Variants in CALML3 observed in about 807,000 individuals in gnomAD.
The protein encoded by CALML3 is calmodulin like 3.
For synonymous variants in CALML3, 98 were observed against 89.9 expected (o/e 1.09, Z -0.51); for missense variants, 198 against 214.1 (o/e 0.92, Z 0.47).
At position 5,525,016 on chromosome 10, in the gene CALML3, A is replaced by G; in HGVS notation, c.-70A>G. The G allele has an allele frequency of 1.7e-6, 2 of 1,207,568 alleles. No homozygotes were observed. The highest frequency in any genetic ancestry group is 2.3e-6 in the Non-Finnish European group (2 of 854,530). 74.8% of individuals were successfully genotyped at this position (1,207,568 alleles called of 1,614,324 possible). ...CCTGCCACCCCAGAGCTGGGACAGC[A>G]GCCGGGCTGCGGCACTGGGAGGGAG... On this transcript the variant is annotated 5_prime_UTR_variant, in exon 1 of 1. Transcript: ENST00000315238.
Position 5,526,208 on chromosome 10 carries a change from G to T in CALML3, c.*673G>T, listed in dbSNP as rs1588463193. ...TTCCTATTCATCTGGAAGGAGGGAG[G>T]CTTGGATGAGCAGGGGATGAGAGCT... On this transcript the variant is annotated 3_prime_UTR_variant, in exon 1 of 1. Coordinates refer to ENST00000315238, the MANE Select transcript of CALML3 (RefSeq NM_005185.4). The T allele has an allele frequency of 6.0e-6, 1 of 167,052 alleles. No homozygotes were observed. The highest frequency in any genetic ancestry group is 1.5e-5 in the Non-Finnish European group (1 of 68,146). The allele number at this position is 167,052 out of a possible 1,614,324, so 10.3% of individuals were successfully genotyped here. A position where few individuals can be genotyped will look rare whatever the true frequency, so the allele number is the denominator to read the frequency against.
chr10:5,525,614 C>G lies in CALML3; in HGVS notation c.*79C>G. 9.5e-7 allele frequency: 1 copy of G among 1,048,734 alleles called. No individual in the cohort carries two copies. Among genetic ancestry groups the G allele is most frequent in the East Asian group, 2.6e-5 (1 of 37,942 alleles). 65.0% of individuals were successfully genotyped at this position (1,048,734 alleles called of 1,614,324 possible). The stretch of plus-strand genomic sequence containing the variant: ...CGGGGCCTCCCGCCTCCTCCCCCAT[C>G]CCCCTGCCTCCCCTGGGCACTGTGG... On this transcript the variant is annotated 3_prime_UTR_variant, in exon 1 of 1. Coordinates refer to ENST00000315238, the MANE Select transcript of CALML3 (RefSeq NM_005185.4).
chr10:5,525,409 C>T lies in CALML3; in HGVS notation c.324C>T (p.His108=), dbSNP rs1271709800. The change falls in exon 1 of 1, where the codon CAC becomes CAT. Residue 108 remains histidine, a synonymous_variant. Coordinates refer to ENST00000315238, the MANE Select transcript of CALML3 (RefSeq NM_005185.4). ...TCGTCAGCGCCGCCGAGCTGCGACA[C>T]GTCATGACCCGGCTGGGGGAGAAGC... The part of the protein sequence containing the change: ...NGFVSAAELR[H]VMTRLGEKLS... 12 of 1,613,912 alleles carry T rather than the reference C, an allele frequency of 7.4e-6. No individual in the cohort carries two copies. The highest frequency in any genetic ancestry group is 1.7e-5 in the Admixed American group (1 of 60,006).
At position 5,525,477 on chromosome 10, in the gene CALML3, C is replaced by T. The variant is rs1210538279; in HGVS notation, c.392C>T (p.Thr131Met). The stretch of plus-strand genomic sequence containing the variant: ...GACGAGATGATCCGGGCCGCGGACA[C>T]GGACGGAGACGGACAGGTGAACTAC... The part of the protein sequence containing the change: ...EVDEMIRAAD[T>M]DGDGQVNYEE... Residue 131 changes from threonine to methionine, a missense_variant, in exon 1 of 1, where the codon ACG (threonine) becomes ATG (methionine). By Grantham distance (81) the Thr-to-Met change is moderately conservative (BLOSUM62 -1). Coordinates refer to ENST00000315238, the MANE Select transcript of CALML3 (RefSeq NM_005185.4). 6.2e-7 allele frequency: 1 copy of T among 1,612,842 alleles called. No individual in the cohort carries two copies. Among genetic ancestry groups the T allele is most frequent in the Admixed American group, 1.7e-5 (1 of 60,000 alleles).
rs532581008 is a variant in CALML3 at position 5,525,287 on chromosome 10, G to A, written c.202G>A (p.Glu68Lys). The A allele has an allele frequency of 1.2e-6, 2 of 1,613,990 alleles. No individual in the cohort carries two copies. Among genetic ancestry groups the A allele is most frequent in the South Asian group, 1.1e-5 (1 of 91,076 alleles). ...RDGNGTVDFP[E>K]FLGMMARKMK... is the part of the protein sequence containing the mutation. Reference sequence around the variant, plus strand: ...CGGCAACGGCACCGTGGACTTCCCCGAGTTCCTGGGCATGATGGCCAGGAA... The same window carrying A: ...CGGCAACGGCACCGTGGACTTCCCCAAGTTCCTGGGCATGATGGCCAGGAA... The change falls in exon 1 of 1, where the codon GAG becomes AAG. Residue 68 changes from glutamate (E) to lysine (K), a missense_variant. By Grantham distance (56) the Glu-to-Lys change is moderately conservative (BLOSUM62 1). Coordinates refer to ENST00000315238, the MANE Select transcript of CALML3 (RefSeq NM_005185.4).
Position 5,525,419 on chromosome 10 carries a change from C to A in CALML3, c.334C>A (p.Arg112=). 6.2e-7 allele frequency: 1 copy of A among 1,613,916 alleles called. No individual in the cohort carries two copies. Among genetic ancestry groups the A allele is most frequent in the Non-Finnish European group, 8.5e-7 (1 of 1,179,980 alleles). Residue 112 remains arginine (R), a synonymous_variant, in exon 1 of 1, where the codon CGG becomes AGG. Coordinates refer to ENST00000315238, the MANE Select transcript of CALML3 (RefSeq NM_005185.4). ...SAAELRHVMT[R]LGEKLSDEEV... The stretch of plus-strand genomic sequence containing the variant: ...CGCCGAGCTGCGACACGTCATGACC[C>A]GGCTGGGGGAGAAGCTGAGTGACGA...
chr10:5,525,057 C>T lies in CALML3; in HGVS notation c.-29C>T. On this transcript the variant is annotated 5_prime_UTR_variant, in exon 1 of 1. Coordinates refer to ENST00000315238, the MANE Select transcript of CALML3 (RefSeq NM_005185.4). ...TGGGAGGGAGACCCCACAGTGGCCT[C>T]TTCTGCCACCCACGCCCCCACCCCT... 2.6e-6 allele frequency: 4 copies of T among 1,529,380 alleles called. No homozygotes were observed. The highest frequency in any genetic ancestry group is 3.6e-6 in the Non-Finnish European group (4 of 1,120,634). The allele number at this position is 1,529,380 out of a possible 1,614,324, so 94.7% of individuals were successfully genotyped here.
rs901097766 is a variant in CALML3, at chr10:5,526,759, C to T, written c.*1224C>T. 3.0e-5 allele frequency: 5 copies of T among 166,916 alleles called. No homozygotes were observed. Among genetic ancestry groups the T allele is most frequent in the African/African-American group, 1.2e-4 (5 of 41,446 alleles). 10.3% of individuals were successfully genotyped at this position (166,916 alleles called of 1,614,324 possible). A position where few individuals can be genotyped will look rare whatever the true frequency, so the allele number is the denominator to read the frequency against. On this transcript the variant is annotated 3_prime_UTR_variant, in exon 1 of 1. Transcript: ENST00000315238. ...GGAGGTATGTTTTGCGGGATGGGCA[C>T]TAGACGGAGCTCATCAGAAAAGGCC...
rs1378074726 is a variant in CALML3, at chr10:5,526,493, C to T, written c.*958C>T. The T allele has an allele frequency of 6.0e-6, 1 of 167,022 alleles. No individual in the cohort carries two copies. Among genetic ancestry groups the T allele is most frequent in the Admixed American group, 6.5e-5 (1 of 15,276 alleles). 10.3% of individuals were successfully genotyped at this position (167,022 alleles called of 1,614,324 possible). A position where few individuals can be genotyped will look rare whatever the true frequency, so the allele number is the denominator to read the frequency against. The stretch of plus-strand genomic sequence containing the variant: ...AAGAGTGGTTAAAAGTCCATCAGGA[C>T]TTGAAAGACCTGAGTCCATTACGTT... On this transcript the variant is annotated 3_prime_UTR_variant, in exon 1 of 1. Coordinates refer to ENST00000315238, the MANE Select transcript of CALML3 (RefSeq NM_005185.4).
chr10:5,525,079 C>T lies in CALML3; in HGVS notation c.-7C>T, dbSNP rs761814260. 3.4e-5 allele frequency: 54 copies of T among 1,588,272 alleles called. 1 individual carries two copies. The South Asian group carries it at 6.0e-4, about 18-fold the overall frequency. ...CCTCTTCTGCCACCCACGCCCCCAC[C>T]CCTGGCATGGCCGACCAGCTGACTG... On this transcript the variant is annotated 5_prime_UTR_variant, in exon 1 of 1. Transcript: ENST00000315238.
Position 5,525,201 on chromosome 10 carries a change from C to T in CALML3, c.116C>T (p.Ser39Phe). 6.2e-7 allele frequency: 1 copy of T among 1,613,912 alleles called. No homozygotes were observed. Among genetic ancestry groups the T allele is most frequent in the South Asian group, 1.1e-5 (1 of 91,062 alleles). The stretch of plus-strand genomic sequence containing the variant: ...CGCGAGCTGGGCACGGTCATGCGGT[C>T]CCTGGGCCAGAACCCCACGGAGGCC... ...TTRELGTVMRSLGQNPTEAEL... is the reference protein window; with the variant it reads ...TTRELGTVMRFLGQNPTEAEL... The change falls in exon 1 of 1, where the codon TCC becomes TTC. Residue 39 changes from serine (S) to phenylalanine (F), a missense_variant. Physicochemically the swap from Ser to Phe is radical, Grantham distance 155. Transcript: ENST00000315238.
rs914250537 is a variant in CALML3 at position 5,525,871 on chromosome 10, C to A, written c.*336C>A. The stretch of plus-strand genomic sequence containing the variant: ...GCCCTCCAGGACGGACACCGGGTGA[C>A]CCCTTAGGGCACCCAGGCAAGATCC... On this transcript the variant is annotated 3_prime_UTR_variant, in exon 1 of 1. Transcript: ENST00000315238. The A allele has an allele frequency of 7.5e-5, 63 of 835,502 alleles. No individual in the cohort carries two copies. Among genetic ancestry groups the A allele is most frequent in the Middle Eastern group, 1.0e-3 (2 of 1,950 alleles). The allele number at this position is 835,502 out of a possible 1,614,324, so 51.8% of individuals were successfully genotyped here.
rs773966700 is a variant in CALML3, at chr10:5,525,744, C to T, written c.*209C>T. On this transcript the variant is annotated 3_prime_UTR_variant, in exon 1 of 1. Coordinates refer to ENST00000315238, the MANE Select transcript of CALML3 (RefSeq NM_005185.4). ...TTCCCACCTGCTCGTCTGAATGACACGGAACGCTCCCACTGCAGGCAAACC... is the reference window on the plus strand; with the variant it reads ...TTCCCACCTGCTCGTCTGAATGACATGGAACGCTCCCACTGCAGGCAAACC... 2 of 1,437,038 alleles carry T rather than the reference C, an allele frequency of 1.4e-6. No individual in the cohort carries two copies. The highest frequency in any genetic ancestry group is 9.2e-7 in the Non-Finnish European group (1 of 1,092,664). 89.0% of individuals were successfully genotyped at this position (1,437,038 alleles called of 1,614,324 possible). A position where few individuals can be genotyped will look rare whatever the true frequency, so the allele number is the denominator to read the frequency against.
Position 5,525,045 on chromosome 10 carries a change from C to T in CALML3, c.-41C>T, listed in dbSNP as rs1397177444. The T allele has an allele frequency of 1.4e-6, 2 of 1,440,202 alleles. No homozygotes were observed. Among genetic ancestry groups the T allele is most frequent in the Non-Finnish European group, 1.9e-6 (2 of 1,044,942 alleles). The allele number at this position is 1,440,202 out of a possible 1,614,324, so 89.2% of individuals were successfully genotyped here. A position where few individuals can be genotyped will look rare whatever the true frequency, so the allele number is the denominator to read the frequency against. ...GGGCTGCGGCACTGGGAGGGAGACCCCACAGTGGCCTCTTCTGCCACCCAC... is the reference window on the plus strand; with the variant it reads ...GGGCTGCGGCACTGGGAGGGAGACCTCACAGTGGCCTCTTCTGCCACCCAC... On this transcript the variant is annotated 5_prime_UTR_variant, in exon 1 of 1. Transcript: ENST00000315238.
In CALML3 at chr10:5,525,331, CGAG is replaced by C. The variant is rs781713843; in HGVS notation, c.253_255del (p.Glu85del). 17 of 1,613,874 alleles carry C rather than the reference CGAG, an allele frequency of 1.1e-5. No individual in the cohort carries two copies. The highest frequency in any genetic ancestry group is 1.4e-5 in the Non-Finnish European group (17 of 1,179,988). On this transcript the variant is annotated inframe_deletion, in exon 1 of 1. Coordinates refer to ENST00000315238, the MANE Select transcript of CALML3 (RefSeq NM_005185.4). Reference sequence around the variant, plus strand: ...CCAGGAAGATGAAGGACACGGACAACGAGGAGGAGATCCGCGAGGCCTTCCGCG... The same window carrying C: ...CCAGGAAGATGAAGGACACGGACAACGAGGAGATCCGCGAGGCCTTCCGCG...
Position 5,525,604 on chromosome 10 carries a change from C to A in CALML3, c.*69C>A. The stretch of plus-strand genomic sequence containing the variant: ...GGCAAGAACCCGGGGCCTCCCGCCT[C>A]CTCCCCCATCCCCCTGCCTCCCCTG... On this transcript the variant is annotated 3_prime_UTR_variant, in exon 1 of 1. Transcript: ENST00000315238. 1 of 1,468,122 alleles carries A rather than the reference C, an allele frequency of 6.8e-7. No homozygotes were observed. The highest frequency in any genetic ancestry group is 9.1e-7 in the Non-Finnish European group (1 of 1,104,616). 90.9% of individuals were successfully genotyped at this position (1,468,122 alleles called of 1,614,324 possible).
Position 5,525,595 on chromosome 10 carries a change from C to T in CALML3, c.*60C>T. Reference sequence around the variant, plus strand: ...GGCCCACAGGGCAAGAACCCGGGGCCTCCCGCCTCCTCCCCCATCCCCCTG... The same window carrying T: ...GGCCCACAGGGCAAGAACCCGGGGCTTCCCGCCTCCTCCCCCATCCCCCTG... On this transcript the variant is annotated 3_prime_UTR_variant, in exon 1 of 1. Transcript: ENST00000315238. 6.8e-7 allele frequency: 1 copy of T among 1,481,404 alleles called. No individual in the cohort carries two copies. The allele number at this position is 1,481,404 out of a possible 1,614,324, so 91.8% of individuals were successfully genotyped here.
Position 5,525,954 on chromosome 10 carries a change from T to G in CALML3, c.*419T>G. The G allele has an allele frequency of 3.7e-5, 8 of 218,374 alleles. No homozygotes were observed. Among genetic ancestry groups the G allele is most frequent in the Non-Finnish European group, 5.6e-5 (6 of 106,502 alleles). 13.5% of individuals were successfully genotyped at this position (218,374 alleles called of 1,614,324 possible). On this transcript the variant is annotated 3_prime_UTR_variant, in exon 1 of 1. Coordinates refer to ENST00000315238, the MANE Select transcript of CALML3 (RefSeq NM_005185.4). Reference sequence around the variant, plus strand: ...CTGCAGCCCTCAGCCCCCGCCAGGATTCCCGCAGGCTCCTGGACTGGAAGC... The same window carrying G: ...CTGCAGCCCTCAGCCCCCGCCAGGAGTCCCGCAGGCTCCTGGACTGGAAGC...
Position 5,525,446 on chromosome 10 carries a change from G to A in CALML3, c.361G>A (p.Glu121Lys), listed in dbSNP as rs1833568906. The change falls in exon 1 of 1, where the codon GAG (glutamate) becomes AAG (lysine). Residue 121 changes from glutamate (E) to lysine (K), a missense_variant. Physicochemically the swap from Glu to Lys is moderately conservative, Grantham distance 56 (BLOSUM62 1). Coordinates refer to ENST00000315238, the MANE Select transcript of CALML3 (RefSeq NM_005185.4). ...GCTGGGGGAGAAGCTGAGTGACGAG[G>A]AGGTGGACGAGATGATCCGGGCCGC... ...TRLGEKLSDE[E>K]VDEMIRAADT... 6.2e-7 allele frequency: 1 copy of A among 1,613,992 alleles called. No individual in the cohort carries two copies. The highest frequency in any genetic ancestry group is 8.5e-7 in the Non-Finnish European group (1 of 1,179,988).
Sources: gnomAD v4.1 joint callset for allele counts on GRCh38, gnomAD v4.1.1 for gene constraint, MANE v1.5 for transcripts, NCBI Gene and HGNC (gene_info 2026-07-23, HGNC 2026-07-21) for gene names.